BEND6: variants seen among roughly 807,000 people sequenced by gnomAD.
The protein encoded by BEND6 is BEN domain containing 6, also known as BEN domain-containing protein 6.
BEND6 carries 24 observed loss-of-function variants against 31.8 expected under a neutral mutation model. The observed-to-expected ratio is 0.75, with a 90% CI of 0.55 to 1.06. BEND6 has a LOEUF of 1.06. Ranked by LOEUF, BEND6 falls within the 50% of genes least tolerant of loss-of-function variation. The pLI is 0.00. For missense variants in BEND6, 294 were observed against 327.4 expected (o/e 0.90, Z 0.79); for synonymous variants, 109 against 114.6 (o/e 0.95, Z 0.31).
At chr6:56,971,802 A>G (rs1825698497) in intron 1 of BEND6, among the ~76,000 whole-genome samples, 1 of 152,034 alleles carries the variant, frequency 6.6e-6, no homozygotes, top group Non-Finnish European at 1.5e-5. Context: ...TCCTTTACTC[A>G]TTTTTGAATC....
intron 3 of BEND6, among the ~76,000 whole-genome samples, chr6:57,000,633 G>GA (rs34750947): frequency 0.02 from 2,691 of 133,554 alleles, 95 homozygotes; most frequent in African/African-American, 0.069. Context: ...ATGAGATAAT[G>GA]AAAAAAAAAA....
At position 57,017,223 on chromosome 6, in the gene BEND6, G is replaced by T; in HGVS notation, c.536G>T (p.Trp179Leu). The part of the protein sequence containing the change: ...TDEKQFQIEK[W>L]QIARCNKSKP... ...TCTTTTTAGTTCCAGATTGAAAAAT[G>T]GCAGATTGCCCGTTGTAACAAGAGC... Residue 179 changes from tryptophan to leucine, a missense_variant, in exon 5 of 7, where the codon TGG (tryptophan) becomes TTG (leucine). By Grantham distance (61) the Trp-to-Leu change is moderately conservative. Transcript: ENST00000370746. The T allele has an allele frequency of 1.3e-6, 2 of 1,571,204 alleles. No individual in the cohort carries two copies. Among genetic ancestry groups the T allele is most frequent in the South Asian group, 1.2e-5 (1 of 85,574 alleles).
intron 1 of BEND6, among the ~76,000 whole-genome samples, chr6:56,957,135 A>G (rs115914204): frequency 4.6e-5 from 7 of 152,360 alleles, no homozygotes; most frequent in African/African-American, 1.7e-4. Context: ...CTAAATAGCT[A>G]TTATGGTTTT....
intron 1 of BEND6, among the ~76,000 whole-genome samples, chr6:56,957,244 C>A (rs1032022581): frequency 6.6e-6 from 1 of 152,196 alleles, no homozygotes; most frequent in Non-Finnish European, 1.5e-5. Context: ...TCTCTCTTGG[C>A]AGGCAAATGC....
intron 3 of BEND6, among the ~76,000 whole-genome samples, chr6:57,006,073 G>A (rs1827148279): frequency 6.6e-6 from 1 of 152,114 alleles, no homozygotes; most frequent in Admixed American, 6.5e-5. Context: ...ATATGAAGAA[G>A]CAAACCACCT....
At chr6:56,984,667 A>G (rs1319762269) in intron 2 of BEND6, among the ~76,000 whole-genome samples, 1 of 152,152 alleles carries the variant, frequency 6.6e-6, no homozygotes, top group African/African-American at 2.4e-5. Flanking sequence ...ATAGCCAGAG[A>G]TTTTATTTGA....
intron 2 of BEND6, among the ~76,000 whole-genome samples, chr6:56,987,154 A>G (rs74866797): frequency 0.018 from 2,742 of 151,498 alleles, 38 homozygotes; most frequent in Non-Finnish European, 0.027. Context: ...ATTTTTTTGT[A>G]TTTTTAGTAG....
intron 6 of BEND6, among the ~76,000 whole-genome samples, chr6:57,022,053 A>G (rs1262088975): frequency 6.6e-6 from 1 of 151,274 alleles, no homozygotes; most frequent in African/African-American, 2.4e-5. Context: ...GCTGGCCTGT[A>G]GTTTTGTTTT....
At chr6:57,022,164 C>CTTTTTTTTTTTTTTT (rs57185788) in intron 6 of BEND6, among the ~76,000 whole-genome samples, 68 of 111,128 alleles carry the variant, frequency 6.1e-4, no homozygotes, top group Middle Eastern at 5.6e-3. Context: ...TTTTCTTTTT[C>CTTTTTTTTTTTTTTT]TTTTTTTTTT....
At chr6:57,007,467 G>A (rs1455400566) in intron 3 of BEND6, among the ~76,000 whole-genome samples, 1 of 152,042 alleles carries the variant, frequency 6.6e-6, no homozygotes, top group African/African-American at 2.4e-5. Flanking sequence ...CAGGACATTG[G>A]TCTGGAAAAG....
intron 6 of BEND6, 102 bp downstream of exon 6, chr6:57,018,659 C>A: frequency 8.5e-7 from 1 of 1,175,754 alleles, no homozygotes; most frequent in Non-Finnish European, 1.1e-6. Context: ...CTAGAAAATA[C>A]TAGTGACCCA....
intron 1 of BEND6, among the ~76,000 whole-genome samples, chr6:56,978,994 T>C (rs142586326): frequency 7.0e-4 from 106 of 152,356 alleles, no homozygotes; most frequent in African/African-American, 2.3e-3. Context: ...AACTGCTTTA[T>C]TTACTTCCCC....
At chr6:56,967,843 A>G (rs1291516737) in intron 1 of BEND6, among the ~76,000 whole-genome samples, 1 of 152,208 alleles carries the variant, frequency 6.6e-6, no homozygotes, top group Non-Finnish European at 1.5e-5. Context: ...GTGCTTATGG[A>G]TTACCAACTA....
chr6:57,004,008 T>C (rs532857684), intron 3 of BEND6, among the ~76,000 whole-genome samples: 2 of 151,962 alleles, frequency 1.3e-5, no homozygotes, highest in Non-Finnish European at 2.9e-5. Context: ...CTCAAGAAAA[T>C]AGGCATCAAA....
intron 2 of BEND6, among the ~76,000 whole-genome samples, chr6:56,983,213 A>G (rs1377531598): frequency 8.5e-5 from 13 of 152,208 alleles, no homozygotes; most frequent in Admixed American, 2.0e-4. Flanking sequence ...ACATCACGTT[A>G]TAGGAAACAT....
chr6:57,024,571 C>CT (rs1347200907), intron 6 of BEND6, among the ~76,000 whole-genome samples: 1 of 151,944 alleles, frequency 6.6e-6, no homozygotes, highest in Non-Finnish European at 1.5e-5. Flanking sequence ...GTTGAGAAGT[C>CT]TATTGCCAGG....
chr6:56,971,728 A>C (rs1825695628), intron 1 of BEND6, among the ~76,000 whole-genome samples: 1 of 152,136 alleles, frequency 6.6e-6, no homozygotes, highest in South Asian at 2.1e-4. Context: ...AGTGATGCTG[A>C]GCACCTTTTC....
intron 3 of BEND6, among the ~76,000 whole-genome samples, chr6:56,998,083 CA>C (rs1247918235): frequency 1.3e-5 from 2 of 151,890 alleles, no homozygotes; most frequent in Non-Finnish European, 2.9e-5. Flanking sequence ...ATAGAGGCTG[CA>C]AAAAAAGATT....
chr6:57,024,944 C>G (rs767918833), intron 6 of BEND6, among the ~76,000 whole-genome samples: 50 of 152,138 alleles, frequency 3.3e-4, no homozygotes, highest in Non-Finnish European at 6.9e-4. Context: ...TTTCAAAAAG[C>G]CTGTCTTTGA....
Sources: allele counts gnomAD v4.1 joint callset (sites outside exome capture counted in the v4.1 genomes callset), GRCh38; gene constraint gnomAD v4.1.1; transcripts MANE v1.5; gene names NCBI Gene and HGNC (gene_info 2026-07-23, HGNC 2026-07-21).